The following PLSCR5 variants were observed in gnomAD, a reference collection of about 807,000 sequenced individuals.
PLSCR5 encodes phospholipid scramblase family, member 5.
A neutral mutation model predicts 33.6 loss-of-function variants in PLSCR5; 44 were observed. The observed-to-expected ratio is 1.31, with a 90% CI of 1.03 to 1.69. The LOEUF (loss-of-function observed/expected upper bound fraction) is 1.69, where lower values mean the gene tolerates loss of function less well. Ranked by LOEUF, PLSCR5 falls within the 40% of genes most tolerant of loss-of-function variation. PLSCR5 has a pLI of 0.00. For synonymous variants in PLSCR5, 148 were observed against 112.3 expected, an observed-to-expected ratio of 1.32 and a Z score of -2.01; for missense variants, 375 against 318.7, an observed-to-expected ratio of 1.18 and a Z score of -1.34.
At chr3:146,599,410 C>G (rs1374856167) in intron 2 of PLSCR5, among the ~76,000 whole-genome samples, 1 of 152,076 alleles carries the variant, frequency 6.6e-6, no homozygotes, top group Non-Finnish European at 1.5e-5. Context: ...TGAAGTCTCT[C>G]TAGTACTTTG....
At position 146,586,083 on chromosome 3, in the gene PLSCR5, A is replaced by T. The variant is rs2044663784; in HGVS notation, c.807T>A (p.Ala269=). 6.7e-7 allele frequency: 1 copy of T among 1,485,916 alleles called. No homozygotes were observed. The highest frequency in any genetic ancestry group is 9.0e-7 in the Non-Finnish European group (1 of 1,115,932). 92.0% of individuals were successfully genotyped at this position (1,485,916 alleles called of 1,614,324 possible). A position where few individuals can be genotyped will look rare whatever the true frequency, so the allele number is the denominator to read the frequency against. ...FDFMFFEHSL[A]GL ...TTCATTATCTTGGTTATTATAATCCAGCCAGTGAATGTTCAAAGAACATAA... is the reference window on the plus strand; with the variant it reads ...TTCATTATCTTGGTTATTATAATCCTGCCAGTGAATGTTCAAAGAACATAA... The change falls in exon 7 of 8, where the codon GCT becomes GCA. Residue 269 remains alanine, a synonymous_variant. Coordinates refer to ENST00000443512, the MANE Select transcript of PLSCR5 (RefSeq NM_001085420.2).
chr3:146,591,470 A>G (rs995774136), intron 5 of PLSCR5, among the ~76,000 whole-genome samples: 20 of 152,080 alleles, frequency 1.3e-4, no homozygotes, highest in Admixed American at 2.6e-4. Flanking sequence ...ACACTGGTCT[A>G]TGACAGATAT....
At position 146,600,305 on chromosome 3, in the gene PLSCR5, G is replaced by T. The variant is rs764286481; in HGVS notation, c.172C>A (p.Leu58Ile). 2.5e-5 allele frequency: 40 copies of T among 1,591,986 alleles called. No homozygotes were observed. The highest frequency in any genetic ancestry group is 3.4e-5 in the Non-Finnish European group (40 of 1,167,480). Residue 58 changes from leucine (L) to isoleucine (I), a missense_variant, in exon 2 of 8, where the codon CTA becomes ATA. Transcript: ENST00000443512. Reference sequence around the variant, plus strand: ...AAAAACACCTGGCTTAAATATTCTAGACCAGGAGGGAGACTGACTGTTGGC... The same window carrying T: ...AAAAACACCTGGCTTAAATATTCTATACCAGGAGGGAGACTGACTGTTGGC... ...FLPTVSLPPG[L>I]EYLSQLDLII...
In PLSCR5 at chr3:146,594,030, T is replaced by C. The variant is rs746259655; in HGVS notation, c.343A>G (p.Thr115Ala). The C allele has an allele frequency of 6.2e-7, 1 of 1,613,726 alleles. No homozygotes were observed. Among genetic ancestry groups the C allele is most frequent in the Non-Finnish European group, 8.5e-7 (1 of 1,179,798 alleles). ...ATCCTCAGGGTGCAAGATCGCAGAG[T>C]GGAACAGAAAGTACGATTGAAGCAG... ...SICFNRTFCS[T>A]LRSCTLRITD... Residue 115 changes from threonine (T) to alanine (A), a missense_variant, in exon 4 of 8, where the codon ACT (threonine) becomes GCT (alanine). Transcript: ENST00000443512.
rs9867955 is a variant in PLSCR5 at position 146,600,476 on chromosome 3, G to A, written c.14-13C>T. Reference sequence around the variant, plus strand: ...TGGTTCTGGGCATCTGCAAGAGAATGGAAATCCCAATCCATATTTAAATTT... The same window carrying A: ...TGGTTCTGGGCATCTGCAAGAGAATAGAAATCCCAATCCATATTTAAATTT... On this transcript the variant is annotated splice_polypyrimidine_tract_variant and intron_variant, in intron 1 of 7. Transcript: ENST00000443512. 0.043 allele frequency: 67,463 copies of A among 1,557,046 alleles called. 1,636 individuals are homozygous for A. The highest frequency in any genetic ancestry group is 0.048 in the Non-Finnish European group (54,874 of 1,148,482).
intron 2 of PLSCR5, among the ~76,000 whole-genome samples, chr3:146,597,794 A>C (rs919727998): frequency 1.1e-4 from 17 of 152,332 alleles, no homozygotes; most frequent in Admixed American, 1.1e-3. Flanking sequence ...ATGAAAATAC[A>C]ATGAGAGGAT....
At chr3:146,599,548 G>A (rs574603731) in intron 2 of PLSCR5, among the ~76,000 whole-genome samples, 1 of 147,422 alleles carries the variant, frequency 6.8e-6, no homozygotes, top group South Asian at 2.1e-4. Flanking sequence ...CAATTAGGTT[G>A]CAGAACTTTT....
At chr3:146,602,275 A>G (rs1490546881) in intron 1 of PLSCR5, among the ~76,000 whole-genome samples, 2 of 152,168 alleles carry the variant, frequency 1.3e-5, no homozygotes, top group African/African-American at 2.4e-5. Flanking sequence ...CAGATTTGGG[A>G]GAAGAGCTAA....
downstream of PLSCR5, among the ~76,000 whole-genome samples, chr3:146,584,561 C>T (rs755337352): frequency 7.9e-5 from 12 of 152,052 alleles, no homozygotes; most frequent in Admixed American, 1.3e-4. Context: ...AACTACTCTG[C>T]CTCAGGTACA....
intron 2 of PLSCR5, among the ~76,000 whole-genome samples, chr3:146,599,737 G>A (rs1471114847): frequency 2.0e-5 from 3 of 150,276 alleles, no homozygotes; most frequent in Non-Finnish European, 2.9e-5. Flanking sequence ...GAGTGCAATG[G>A]TGAGATCACA....
chr3:146,585,930 G>A lies in PLSCR5; in HGVS notation c.*57C>T. On this transcript the variant is annotated 3_prime_UTR_variant, in exon 8 of 8. Coordinates refer to ENST00000443512, the MANE Select transcript of PLSCR5 (RefSeq NM_001085420.2). ...AAACCATTCAGAAATGAAATCCAGA[G>A]CCCAAGGGATTTCTAGAAGAAAATG... The A allele has an allele frequency of 1.2e-6, 1 of 845,746 alleles. No individual in the cohort carries two copies. The highest frequency in any genetic ancestry group is 1.7e-6 in the Non-Finnish European group (1 of 590,862). 52.4% of individuals were successfully genotyped at this position (845,746 alleles called of 1,614,324 possible).
intron 1 of PLSCR5, among the ~76,000 whole-genome samples, chr3:146,601,003 A>T (rs1472872875): frequency 6.7e-6 from 1 of 149,256 alleles, no homozygotes; most frequent in African/African-American, 2.4e-5. Flanking sequence ...GTATAAGTCT[A>T]TATTTATATA....
intron 2 of PLSCR5, among the ~76,000 whole-genome samples, chr3:146,596,637 T>C (rs1227842762): frequency 1.3e-5 from 2 of 152,168 alleles, no homozygotes; most frequent in African/African-American, 4.8e-5. Context: ...TATTCTCCCT[T>C]CGCATTAATA....
At chr3:146,578,531 T>G (rs1279988549) in intron 7 of PLSCR5, among the ~76,000 whole-genome samples, 2 of 152,142 alleles carry the variant, frequency 1.3e-5, no homozygotes, top group Non-Finnish European at 2.9e-5. Context: ...CCCACTCATA[T>G]TCTTCATTCT....
chr3:146,582,371 T>C (rs1385834264), downstream of PLSCR5, among the ~76,000 whole-genome samples: 1 of 152,000 alleles, frequency 6.6e-6, no homozygotes, highest in Non-Finnish European at 1.5e-5. Context: ...AACAAAGCAA[T>C]ATGGAGTAAC....
At chr3:146,588,993 TA>T (rs2044687667) in intron 6 of PLSCR5, among the ~76,000 whole-genome samples, 1 of 152,088 alleles carries the variant, frequency 6.6e-6, no homozygotes, top group Admixed American at 6.6e-5. Context: ...TTGAAAATGG[TA>T]GGAAATTAGG....
At chr3:146,605,171 A>T in intron 1 of PLSCR5, 29 bp downstream of exon 1, 1 of 1,594,432 alleles carries the variant, frequency 6.3e-7, no homozygotes, top group Non-Finnish European at 8.6e-7. Context: ...TATAAGAAAA[A>T]GTTATTAGTT....
At chr3:146,592,717 C>T (rs1293238756) in intron 4 of PLSCR5, among the ~76,000 whole-genome samples, 3 of 152,078 alleles carry the variant, frequency 2.0e-5, no homozygotes, top group Non-Finnish European at 4.4e-5. Context: ...GCTCTGGGAT[C>T]ACTTTTAAAG....
intron 1 of PLSCR5, among the ~76,000 whole-genome samples, chr3:146,603,965 T>C (rs1465314971): frequency 1.3e-5 from 2 of 152,114 alleles, no homozygotes; most frequent in Admixed American, 1.3e-4. Flanking sequence ...GGGACTGGTC[T>C]ACATTAAAGA....
Sources: gnomAD v4.1 joint callset for allele counts (sites outside exome capture counted in the v4.1 genomes callset) on GRCh38, gnomAD v4.1.1 for gene constraint, MANE v1.5 for transcripts, NCBI Gene and HGNC (gene_info 2026-07-23, HGNC 2026-07-21) for gene names.